GXYLT2: variants seen among roughly 807,000 people sequenced by gnomAD.
GXYLT2 encodes the protein glycosyltransferase 8 domain containing 4.
A neutral mutation model predicts 45.8 loss-of-function variants in GXYLT2; 53 were observed. That is an observed-to-expected ratio of 1.16 (90% CI 0.93 to 1.46). GXYLT2 has a LOEUF of 1.46. GXYLT2 is among the 40% of genes most tolerant of loss of function. GXYLT2 has a pLI of 0.00. For synonymous variants in GXYLT2, 219 were observed against 214.2 expected (o/e 1.02, Z -0.19); for missense variants, 551 against 544.4 (o/e 1.01, Z -0.12).
chr3:72,968,963 C>T (rs1188514745), intron 6 of GXYLT2, among the ~76,000 whole-genome samples: 4 of 151,606 alleles, frequency 2.6e-5, no homozygotes, highest in East Asian at 1.9e-4. Context: ...CCCAGCTACT[C>T]GGGAGGCTGA....
intron 1 of GXYLT2, among the ~76,000 whole-genome samples, chr3:72,900,104 C>T (rs555514014): frequency 6.6e-6 from 1 of 152,322 alleles, no homozygotes; most frequent in East Asian, 1.9e-4. Context: ...GAACCAATTA[C>T]TCACTTTAAT....
chr3:72,937,982 G>A (rs1157706603), intron 3 of GXYLT2, among the ~76,000 whole-genome samples: 1 of 152,140 alleles, frequency 6.6e-6, no homozygotes, highest in Admixed American at 6.5e-5. Flanking sequence ...ATCTTGGCCA[G>A]GCATGGTGGT....
chr3:72,934,224 G>T (rs1710134613), intron 3 of GXYLT2, among the ~76,000 whole-genome samples: 1 of 151,440 alleles, frequency 6.6e-6, no homozygotes, highest in Non-Finnish European at 1.5e-5. Context: ...AGCTGGGACT[G>T]CAGGTGTGCA....
chr3:72,914,548 C>CGT (rs1559732225), intron 2 of GXYLT2, among the ~76,000 whole-genome samples: 1 of 145,922 alleles, frequency 6.9e-6, no homozygotes, highest in African/African-American at 2.7e-5. Context: ...TGTGTGTGTG[C>CGT]GCGCGCGCGC....
intron 1 of GXYLT2, among the ~76,000 whole-genome samples, chr3:72,907,239 T>C (rs1709529418): frequency 6.6e-6 from 1 of 152,256 alleles, no homozygotes; most frequent in Non-Finnish European, 1.5e-5. Context: ...GCTGTGCTTC[T>C]ACTAAGCATG....
chr3:72,967,793 C>A, intron 6 of GXYLT2, 74 bp downstream of exon 6: 2 of 1,301,866 alleles, frequency 1.5e-6, no homozygotes, highest in South Asian at 1.3e-5. Flanking sequence ...AGTCACCTGT[C>A]CCTTTGAAGG....
chr3:72,888,460 GC>G lies in GXYLT2; in HGVS notation c.232del (p.Arg78GlufsTer72). 4 of 1,231,540 alleles carry G rather than the reference GC, an allele frequency of 3.2e-6. No homozygotes were observed. The highest frequency in any genetic ancestry group is 2.6e-5 in the South Asian group (1 of 38,552). 76.3% of individuals were successfully genotyped at this position (1,231,540 alleles called of 1,614,324 possible). On this transcript the variant is annotated frameshift_variant, in exon 1 of 7. Transcript: ENST00000389617. LOFTEE classifies it high-confidence loss of function. The part of the protein sequence containing the change: ...GVRRRRPPRP[R>X]PRAGRRGAAR... Reference sequence around the variant, plus strand: ...CGGAGGCGCCGGCCCCCGCGTCCGCGCCCCCGAGCGGGCCGCCGGGGCGCTG... The same window carrying G: ...CGGAGGCGCCGGCCCCCGCGTCCGCGCCCCGAGCGGGCCGCCGGGGCGCTG...
chr3:72,966,123 C>T (rs1163601962), intron 5 of GXYLT2, among the ~76,000 whole-genome samples: 2 of 151,910 alleles, frequency 1.3e-5, no homozygotes, highest in Non-Finnish European at 2.9e-5. Flanking sequence ...GGTTTACAGG[C>T]TCCTGCCTCC....
intron 3 of GXYLT2, among the ~76,000 whole-genome samples, chr3:72,949,881 G>A (rs1350810736): frequency 4.6e-5 from 7 of 152,080 alleles, no homozygotes; most frequent in African/African-American, 1.7e-4. Context: ...AGGAAACCTA[G>A]CCCTCATGAG....
intron 3 of GXYLT2, among the ~76,000 whole-genome samples, chr3:72,933,100 A>G (rs2036445): frequency 0.77 from 116,771 of 152,148 alleles, 45,289 homozygotes; most frequent in African/African-American, 0.89. Context: ...AGTGTTAGAT[A>G]CTATTTTTAT....
intron 3 of GXYLT2, among the ~76,000 whole-genome samples, chr3:72,924,878 A>G (rs1709891083): frequency 6.6e-6 from 1 of 152,174 alleles, no homozygotes; most frequent in Non-Finnish European, 1.5e-5. Context: ...TAAGAAATAA[A>G]TGGCAGAATC....
chr3:72,910,144 A>G (rs1709590127), intron 2 of GXYLT2, among the ~76,000 whole-genome samples: 1 of 152,176 alleles, frequency 6.6e-6, no homozygotes, highest in Admixed American at 6.5e-5. Context: ...ATGAGAATAT[A>G]TAGCATTTGT....
chr3:72,908,408 C>A lies in GXYLT2; in HGVS notation c.317C>A (p.Pro106His). 1.2e-6 allele frequency: 2 copies of A among 1,613,710 alleles called. 1 individual carries two copies. Among genetic ancestry groups the A allele is most frequent in the East Asian group, 4.5e-5 (2 of 44,876 alleles). ...AGGAGTTTCCAAGCTGTGCTGCCACCCGAGCTCTGGATCCACCTGGCTGTG... is the reference window on the plus strand; with the variant it reads ...AGGAGTTTCCAAGCTGTGCTGCCACACGAGCTCTGGATCCACCTGGCTGTG... ...EPRSFQAVLPPELWIHLAVVA... is the reference protein window; with the variant it reads ...EPRSFQAVLPHELWIHLAVVA... Residue 106 changes from proline to histidine, a missense_variant, in exon 2 of 7, where the codon CCC (proline) becomes CAC (histidine). Pro to His is a moderately conservative substitution (Grantham distance 77). Coordinates refer to ENST00000389617, the MANE Select transcript of GXYLT2 (RefSeq NM_001080393.2).
At chr3:72,957,870 G>C (rs1710680510) in intron 5 of GXYLT2, among the ~76,000 whole-genome samples, 1 of 152,116 alleles carries the variant, frequency 6.6e-6, no homozygotes, top group Middle Eastern at 3.2e-3. Context: ...ATTTGGTGGG[G>C]TAGAGGGAAA....
At chr3:72,896,277 T>C (rs1467473406) in intron 1 of GXYLT2, among the ~76,000 whole-genome samples, 1 of 152,228 alleles carries the variant, frequency 6.6e-6, no homozygotes, top group Non-Finnish European at 1.5e-5. Context: ...TAGCAAGGGC[T>C]AAGCTACAGA....
At chr3:72,892,631 C>A (rs762583493) in intron 1 of GXYLT2, among the ~76,000 whole-genome samples, 2 of 152,182 alleles carry the variant, frequency 1.3e-5, no homozygotes, top group South Asian at 2.1e-4. Context: ...TCAAGAGGCA[C>A]CATTTCCTGC....
Position 72,888,458 on chromosome 3 carries a change from G to C in GXYLT2, c.225G>C (p.Pro75=). The change falls in exon 1 of 7, where the codon CCG becomes CCC. Residue 75 remains proline (P), a synonymous_variant. Coordinates refer to ENST00000389617, the MANE Select transcript of GXYLT2 (RefSeq NM_001080393.2). ...PGVRRRRPPR[P]RPRAGRRGAA... is the part of the protein sequence containing the mutation. ...TTCGGAGGCGCCGGCCCCCGCGTCCGCGCCCCCGAGCGGGCCGCCGGGGCG... is the reference window on the plus strand; with the variant it reads ...TTCGGAGGCGCCGGCCCCCGCGTCCCCGCCCCCGAGCGGGCCGCCGGGGCG... 8.1e-7 allele frequency: 1 copy of C among 1,228,792 alleles called. No individual in the cohort carries two copies. The allele number at this position is 1,228,792 out of a possible 1,614,324, so 76.1% of individuals were successfully genotyped here.
At position 72,910,617 on chromosome 3, in the gene GXYLT2, C is replaced by G. The variant is rs77251082; in HGVS notation, c.468+2058C>G. Among the ~76,000 whole-genome samples, 892 of 152,304 alleles carry G rather than the reference C, an allele frequency of 5.9e-3. 9 individuals are homozygous for G. The highest frequency in any genetic ancestry group is 0.021 in the African/African-American group (864 of 41,554). ...GGGACAGAGCCTCCATTCTGTACAG[C>G]CTCTTAGGTTTGGGACGGAAGTAGA... On this transcript the variant is annotated intron_variant, in intron 2 of 6. Transcript: ENST00000389617.
At chr3:72,957,432 C>T (rs908382465) in intron 5 of GXYLT2, 80 bp downstream of exon 5, 250 of 1,406,210 alleles carry the variant, frequency 1.8e-4, no homozygotes, top group Middle Eastern at 1.6e-3. Flanking sequence ...GCCCGGGTTG[C>T]TATTGACTAG....
Sources: allele counts gnomAD v4.1 joint callset (sites outside exome capture counted in the v4.1 genomes callset), GRCh38; gene constraint gnomAD v4.1.1; transcripts MANE v1.5; gene names NCBI Gene and HGNC (gene_info 2026-07-23, HGNC 2026-07-21).